Variants in DPP6 observed in about 807,000 individuals in gnomAD.
DPP6 encodes the protein dipeptidyl peptidase like 6.
DPP6 carries 69 observed loss-of-function variants against 122.6 expected under a neutral mutation model. The ratio of observed to expected loss-of-function variants is 0.56; its 90% confidence interval spans 0.46 to 0.69. DPP6 has a LOEUF of 0.69. DPP6 is among the 30% of genes least tolerant of loss of function. The probability of loss-of-function intolerance (pLI) is 0.00; values close to 1 mark genes in which losing one functional copy is unlikely to be tolerated. For synonymous variants in DPP6, 418 were observed against 433.1 expected (o/e 0.97, Z 0.43); for missense variants, 928 against 1,116.9 (o/e 0.83, Z 2.41).
At chr7:154,182,932 C>T (rs1049815907) in intron 1 of DPP6, among the ~76,000 whole-genome samples, 24 of 152,162 alleles carry the variant, frequency 1.6e-4, no homozygotes, top group African/African-American at 5.8e-4. Flanking sequence ...CCTCCTTTCT[C>T]ACTTCTCTTC....
intron 5 of DPP6, among the ~76,000 whole-genome samples, chr7:154,573,393 G>T (rs1268601501): frequency 6.6e-6 from 1 of 152,168 alleles, no homozygotes; most frequent in East Asian, 1.9e-4. Flanking sequence ...AGCAGCAGGA[G>T]GCGAGTCTCA....
intron 16 of DPP6, among the ~76,000 whole-genome samples, chr7:154,816,213 T>C (rs181896872): frequency 6.6e-6 from 1 of 152,184 alleles, no homozygotes; most frequent in Non-Finnish European, 1.5e-5. Context: ...AGTTCTAGTT[T>C]TTGAGGTTTC....
chr7:154,798,459 T>G (rs1563222137), intron 12 of DPP6, among the ~76,000 whole-genome samples: 1 of 152,234 alleles, frequency 6.6e-6, no homozygotes, highest in Non-Finnish European at 1.5e-5. Context: ...TAATTCTTAC[T>G]GTTTTCAAAT....
intron 1 of DPP6, among the ~76,000 whole-genome samples, chr7:154,153,960 A>G (rs531653473): frequency 1.3e-4 from 20 of 152,268 alleles, no homozygotes; most frequent in African/African-American, 4.8e-4. Flanking sequence ...GAGCATTTAG[A>G]GTTTTAGCCA....
intron 1 of DPP6, among the ~76,000 whole-genome samples, chr7:154,207,638 TTCACTC>T (rs1459936167): frequency 2.0e-5 from 3 of 152,244 alleles, no homozygotes; most frequent in African/African-American, 7.2e-5. Context: ...TAAGATGATT[TTCACTC>T]TAACTACAAA....
intron 1 of DPP6, among the ~76,000 whole-genome samples, chr7:154,074,317 ATAGG>A (rs780192290): frequency 5.3e-5 from 8 of 152,038 alleles, no homozygotes; most frequent in Admixed American, 1.3e-4. Flanking sequence ...AATTAGTAAA[ATAGG>A]TAGGAGCAAA....
intron 1 of DPP6, among the ~76,000 whole-genome samples, chr7:154,014,626 C>T (rs976326820): frequency 6.6e-6 from 1 of 151,880 alleles, no homozygotes; most frequent in East Asian, 1.9e-4. Flanking sequence ...TTTGCCACTG[C>T]ACTCGAGCCT....
At chr7:154,157,323 G>A (rs62487215) in intron 1 of DPP6, among the ~76,000 whole-genome samples, 14 of 152,204 alleles carry the variant, frequency 9.2e-5, no homozygotes, top group African/African-American at 3.4e-4. Context: ...GGAAAGCCAG[G>A]AGCCCGGCAC....
chr7:154,548,803 G>A (rs10282268), intron 4 of DPP6, among the ~76,000 whole-genome samples: 7,826 of 152,192 alleles, frequency 0.051, 618 homozygotes, highest in African/African-American at 0.17. Context: ...AATATATTTT[G>A]CAACGGAGGT....
At chr7:154,550,204 A>T (rs1366920540) in intron 4 of DPP6, among the ~76,000 whole-genome samples, 1 of 152,186 alleles carries the variant, frequency 6.6e-6, no homozygotes, top group African/African-American at 2.4e-5. Context: ...CATTATTTCA[A>T]GTTACTTCCT....
At chr7:154,405,999 A>C (rs1038619803) in intron 1 of DPP6, among the ~76,000 whole-genome samples, 2 of 152,220 alleles carry the variant, frequency 1.3e-5, no homozygotes, top group African/African-American at 4.8e-5. Context: ...TTTCAACTGA[A>C]GTTAACTTAG....
intron 19 of DPP6, among the ~76,000 whole-genome samples, chr7:154,873,576 C>G (rs3807287): frequency 0.17 from 25,280 of 152,164 alleles, 2,480 homozygotes; most frequent in East Asian, 0.54. Flanking sequence ...TGCTCCCTTC[C>G]TGAGGGCTGA....
the DPP6 span, among the ~76,000 whole-genome samples, chr7:153,815,438 T>C: frequency 6.6e-6 from 1 of 152,178 alleles, no homozygotes; most frequent in Non-Finnish European, 1.5e-5. Flanking sequence ...TACATATGTA[T>C]ACATGTGCCA....
rs755447510 is a variant in DPP6 at position 154,889,305 on chromosome 7, G to C, written c.2338G>C (p.Glu780Gln). The C allele has an allele frequency of 6.2e-7, 1 of 1,612,862 alleles. No individual in the cohort carries two copies. The highest frequency in any genetic ancestry group is 1.3e-5 in the African/African-American group (1 of 74,792). The change falls in exon 24 of 26, where the codon GAA (glutamate) becomes CAA (glutamine). Residue 780 changes from glutamate (E) to glutamine (Q), a missense_variant. Transcript: ENST00000377770. ...TKVAHRVSAL[E>Q]EQQFLIIHPT... ...GGTAGCCCATCGAGTCTCCGCGCTG[G>C]AAGAACAGCAGTTCCTGATCATTCA...
intron 1 of DPP6, among the ~76,000 whole-genome samples, chr7:154,023,203 G>T (rs368840742): frequency 0.023 from 3,457 of 150,380 alleles, 159 homozygotes; most frequent in African/African-American, 0.083. Flanking sequence ...CTTACCCTTG[G>T]CATCTTTTGT....
chr7:153,981,702 A>G (rs1411096287), intron 1 of DPP6, among the ~76,000 whole-genome samples: 1 of 152,152 alleles, frequency 6.6e-6, no homozygotes, highest in Non-Finnish European at 1.5e-5. Flanking sequence ...TTCCATATTT[A>G]GTGCTTCCTT....
At position 153,967,910 on chromosome 7, in the gene DPP6, G is replaced by A. The variant is rs192627090; in HGVS notation, c.51+80176G>A. ...ATGGTTTCATTCTTTTTTTATGGCCGTGTAGTATTCCATGGTGTATATGTA... is the reference window on the plus strand; with the variant it reads ...ATGGTTTCATTCTTTTTTTATGGCCATGTAGTATTCCATGGTGTATATGTA... On this transcript the variant is annotated intron_variant, in intron 1 of 25. Transcript: ENST00000404039. Among the ~76,000 whole-genome samples, 544 of 151,492 alleles carry A rather than the reference G, an allele frequency of 3.6e-3. 1 individual carries two copies. The highest frequency in any genetic ancestry group is 0.013 in the African/African-American group (518 of 40,834).
chr7:154,424,889 C>T (rs1817762260), intron 1 of DPP6, among the ~76,000 whole-genome samples: 1 of 152,198 alleles, frequency 6.6e-6, no homozygotes, highest in African/African-American at 2.4e-5. Context: ...TTTCAGAGCC[C>T]TCCAAGTTTG....
At chr7:154,753,678 C>G (rs1843512822) in intron 8 of DPP6, among the ~76,000 whole-genome samples, 1 of 152,126 alleles carries the variant, frequency 6.6e-6, no homozygotes, top group Non-Finnish European at 1.5e-5. Context: ...CAGGCTAGTT[C>G]CGTAACCCGG....
Sources: allele counts gnomAD v4.1 joint callset (sites outside exome capture counted in the v4.1 genomes callset), GRCh38; gene constraint gnomAD v4.1.1; transcripts MANE v1.5; gene names NCBI Gene and HGNC (gene_info 2026-07-23, HGNC 2026-07-21).